Variants in PRKX observed in about 807,000 individuals in gnomAD.
PRKX encodes the protein cAMP-dependent protein kinase catalytic subunit PRKX.
In PRKX, 12 loss-of-function variants were observed where a neutral mutation model predicts 22.0. The ratio of observed to expected loss-of-function variants is 0.54; its 90% CI spans 0.35 to 0.88. The LOEUF (loss-of-function observed/expected upper bound fraction) is 0.88. Among genes scored for constraint, PRKX ranks in the 40% least tolerant of loss-of-function variants. PRKX has a pLI of 0.01. For missense variants in PRKX, 217 were observed against 308.0 expected (o/e 0.70, Z 2.21); for synonymous variants, 134 against 137.7 (o/e 0.97, Z 0.19).
chrX:3,686,229 G>C (rs184505292), intron 1 of PRKX, among the ~76,000 whole-genome samples: 1 of 111,121 alleles, frequency 9.0e-6, no homozygotes, highest in Non-Finnish European at 1.9e-5. Context: ...CCTGCCACAG[G>C]GAAATGGATA....
intron 6 of PRKX, among the ~76,000 whole-genome samples, chrX:3,616,467 G>A (rs1215850267): frequency 9.0e-6 from 1 of 111,413 alleles, no homozygotes; most frequent in African/African-American, 3.3e-5. Flanking sequence ...CTCACACTGT[G>A]GCCATCACGA....
chrX:3,631,051 T>C (rs1477617305), intron 4 of PRKX, among the ~76,000 whole-genome samples: 2 of 112,467 alleles, frequency 1.8e-5, no homozygotes, highest in South Asian at 3.7e-4. Flanking sequence ...AATTCAGGTA[T>C]GCTAGCAACG....
At chrX:3,668,738 T>C (rs1927787110) in intron 2 of PRKX, among the ~76,000 whole-genome samples, 1 of 112,063 alleles carries the variant, frequency 8.9e-6, no homozygotes. Context: ...TGCTGTGCCA[T>C]AGATAATATG....
intron 2 of PRKX, among the ~76,000 whole-genome samples, chrX:3,662,099 G>C (rs183601881): frequency 2.0e-3 from 221 of 111,630 alleles, no homozygotes; most frequent in Non-Finnish European, 2.4e-3. Flanking sequence ...GGCAGATCTT[G>C]TGACTGTCAT....
chrX:3,637,633 T>C (rs766191520), intron 4 of PRKX, among the ~76,000 whole-genome samples: 2 of 111,321 alleles, frequency 1.8e-5, no homozygotes, highest in South Asian at 7.5e-4. Context: ...AGACTCTAAT[T>C]AGAAAAAAGG....
chrX:3,687,827 G>C (rs188480635), intron 1 of PRKX, among the ~76,000 whole-genome samples: 155 of 111,728 alleles, frequency 1.4e-3, no homozygotes, highest in South Asian at 6.0e-3. Context: ...TGCAAGAGGA[G>C]AGCGTCACAG....
In PRKX at chrX:3,674,847, G is replaced by A. The variant is rs149622272; in HGVS notation, c.167-81C>T. Reference sequence around the variant, plus strand: ...CACCACAGCCATGCAATCAGCGGGGGGCTGCACCAGGACGGCAAACACAGA... The same window carrying A: ...CACCACAGCCATGCAATCAGCGGGGAGCTGCACCAGGACGGCAAACACAGA... On this transcript the variant is annotated intron_variant, in intron 1 of 8. Coordinates refer to ENST00000262848, the MANE Select transcript of PRKX (RefSeq NM_005044.5). The A allele has an allele frequency of 2.5e-3, 2,785 of 1,092,507 alleles. 41 individuals are homozygous for A. The African/African-American group carries it at 0.043, about 17-fold the overall frequency. The allele number at this position is 1,092,507 out of a possible 1,213,427, so 90.0% of individuals were successfully genotyped here. A position where few individuals can be genotyped will look rare whatever the true frequency, so the allele number is the denominator to read the frequency against.
At chrX:3,689,985 C>A (rs751637689) in intron 1 of PRKX, among the ~76,000 whole-genome samples, 5 of 110,867 alleles carry the variant, frequency 4.5e-5, no homozygotes, top group South Asian at 7.7e-4. Flanking sequence ...TCGAAAAAAA[C>A]AAAACAAACA....
chrX:3,642,467 C>T (rs1355984892), intron 3 of PRKX, among the ~76,000 whole-genome samples: 1 of 109,322 alleles, frequency 9.1e-6, no homozygotes, highest in Non-Finnish European at 1.9e-5. Context: ...GACACCTGGC[C>T]GCTGGAAGGA....
intron 2 of PRKX, among the ~76,000 whole-genome samples, chrX:3,663,071 C>T (rs56130176): frequency 0.086 from 9,289 of 107,665 alleles, 369 homozygotes; most frequent in Middle Eastern, 0.12. Flanking sequence ...AACTCCTGGC[C>T]TCAAGCAATC....
chrX:3,685,749 AG>A (rs1202338526), intron 1 of PRKX, among the ~76,000 whole-genome samples: 3 of 110,557 alleles, frequency 2.7e-5, no homozygotes, highest in Non-Finnish European at 5.7e-5. Flanking sequence ...AAAAAAAAAA[AG>A]AAAAAGTAAG....
At chrX:3,609,799 T>A (rs1166167916) in intron 8 of PRKX, among the ~76,000 whole-genome samples, 1 of 112,024 alleles carries the variant, frequency 8.9e-6, no homozygotes, top group Admixed American at 9.5e-5. Context: ...TAGATAAATG[T>A]ATCCACCAAT....
intron 1 of PRKX, among the ~76,000 whole-genome samples, chrX:3,688,697 T>C (rs1928232563): frequency 9.9e-6 from 1 of 101,146 alleles, no homozygotes; most frequent in African/African-American, 3.7e-5. Flanking sequence ...ACACCATCTA[T>C]AAAAAAAAAA....
intron 1 of PRKX, among the ~76,000 whole-genome samples, chrX:3,696,139 A>G (rs1928438144): frequency 9.1e-6 from 1 of 110,178 alleles, no homozygotes; most frequent in Non-Finnish European, 1.9e-5. Flanking sequence ...AAGGGACCCT[A>G]GAGAGCTCCC....
chrX:3,701,654 C>T (rs181241113), intron 1 of PRKX, among the ~76,000 whole-genome samples: 1,759 of 112,084 alleles, frequency 0.016, 38 homozygotes, highest in African/African-American at 0.054. Flanking sequence ...TGTTGGGCTG[C>T]ATGCCCAGAT....
chrX:3,701,726 G>C (rs1928579115), intron 1 of PRKX, among the ~76,000 whole-genome samples: 1 of 111,301 alleles, frequency 9.0e-6, no homozygotes, highest in Non-Finnish European at 1.9e-5. Context: ...CGGTCATAAG[G>C]AGCTTGCTGA....
intron 1 of PRKX, among the ~76,000 whole-genome samples, chrX:3,689,864 C>G (rs1175488956): frequency 3.6e-5 from 4 of 110,897 alleles, no homozygotes; most frequent in African/African-American, 1.3e-4. Flanking sequence ...GTAGTCCCAG[C>G]TACTCAGGAG....
intron 3 of PRKX, among the ~76,000 whole-genome samples, chrX:3,649,480 A>G (rs1164525432): frequency 4.2e-5 from 4 of 94,752 alleles, no homozygotes; most frequent in Non-Finnish European, 6.2e-5. Flanking sequence ...GCAAGTCACA[A>G]AAGAACACCA....
At chrX:3,704,557 C>T (rs1277300054) in intron 1 of PRKX, among the ~76,000 whole-genome samples, 1 of 111,176 alleles carries the variant, frequency 9.0e-6, no homozygotes, top group Non-Finnish European at 1.9e-5. Context: ...GTCCCAGCTC[C>T]TCAGGAGGCT....
Sources: gnomAD v4.1 joint callset for allele counts (sites outside exome capture counted in the v4.1 genomes callset) on GRCh38, gnomAD v4.1.1 for gene constraint, MANE v1.5 for transcripts, NCBI Gene and HGNC (gene_info 2026-07-23, HGNC 2026-07-21) for gene names.